Variants in COL20A1 observed in about 807,000 individuals in gnomAD.
The protein encoded by COL20A1 is collagen type XX alpha 1 chain, also known as collagen alpha-1(XX) chain.
Under a neutral mutation model 152.9 loss-of-function variants are expected in COL20A1, and 164 were observed. The ratio of observed to expected loss-of-function variants is 1.07; its 90% CI spans 0.94 to 1.22. COL20A1 has a LOEUF of 1.22. COL20A1 is among the 50% of genes most tolerant of loss of function. The probability of loss-of-function intolerance (pLI) is 0.00; values close to 1 mark genes in which losing one functional copy is unlikely to be tolerated. For missense variants in COL20A1, 1,873 were observed against 1,744.8 expected, an observed-to-expected ratio of 1.07 and a Z score of -1.31; for synonymous variants, 864 against 756.0, an observed-to-expected ratio of 1.14 and a Z score of -2.34.
At position 63,329,340 on chromosome 20, in the gene COL20A1, C is replaced by T. The variant is rs1314174189; in HGVS notation, c.3782-245C>T. The T allele has an allele frequency of 7.1e-6, 4 of 565,010 alleles. No homozygotes were observed. In the Admixed American group the frequency reaches 1.3e-4, roughly 18 times the overall value. 35.0% of individuals were successfully genotyped at this position (565,010 alleles called of 1,614,324 possible). A position where few individuals can be genotyped will look rare whatever the true frequency, so the allele number is the denominator to read the frequency against. Reference sequence around the variant, plus strand: ...TAGATGAGGGTGACAGGCACTATCACAGGGCCCCCACCTGACGCCTTCCCA... The same window carrying T: ...TAGATGAGGGTGACAGGCACTATCATAGGGCCCCCACCTGACGCCTTCCCA... On this transcript the variant is annotated intron_variant, in intron 34 of 35. Transcript: ENST00000358894.
rs961392065 is a variant in COL20A1 at position 63,313,945 on chromosome 20, G to T, written c.2358+54G>T. On this transcript the variant is annotated intron_variant, in intron 18 of 35. Transcript: ENST00000358894. The surrounding 1 kb of genome is among the most constrained non-coding windows in gnomAD (Gnocchi z 5.9). ...CCACCTCGTGGGGCCTCCTGGAAGG[G>T]GTATGGCCACACTGTCTGCGAAGGG... 1.2e-5 allele frequency: 19 copies of T among 1,588,302 alleles called. No individual in the cohort carries two copies. Among genetic ancestry groups the T allele is most frequent in the Admixed American group, 3.4e-5 (2 of 58,320 alleles).
Position 63,305,324 on chromosome 20 carries a change from G to A in COL20A1, c.194-93G>A. On this transcript the variant is annotated intron_variant, in intron 3 of 35. Transcript: ENST00000358894. This position sits in a 1 kb window ranked among gnomAD's most constrained non-coding sequence, Gnocchi z 4.9. ...GGCTTCAAGGGGAGCAGCTGGGGTG[G>A]GGAGGAGGAGCCAAGAGGGTTTCAC... The A allele has an allele frequency of 3.8e-6, 4 of 1,064,804 alleles. No homozygotes were observed. The highest frequency in any genetic ancestry group is 4.6e-5 in the South Asian group (2 of 43,282). 66.0% of individuals were successfully genotyped at this position (1,064,804 alleles called of 1,614,324 possible). A position where few individuals can be genotyped will look rare whatever the true frequency, so the allele number is the denominator to read the frequency against.
At chr20:63,294,997 G>A in intron 1 of COL20A1, 101 bp from the exon 2 acceptor site, 1 of 724,324 alleles carries the variant, frequency 1.4e-6, no homozygotes, top group Non-Finnish European at 2.3e-6. Flanking sequence ...TGTGGGGACA[G>A]GCTGCCTGGC....
chr20:63,328,628 TCTGGGGTG>T, intron 34 of COL20A1, 130 bp downstream of exon 34: 1 of 914,886 alleles, frequency 1.1e-6, no homozygotes, highest in South Asian at 1.8e-5. Flanking sequence ...CTGTCCAGCC[TCTGGGGTG>T]CTGGGGTGAG....
In COL20A1 at chr20:63,307,750, C is replaced by T; in HGVS notation, c.655+102C>T. On this transcript the variant is annotated intron_variant, in intron 6 of 35. Transcript: ENST00000358894. ...GTGGGGGTCCCCGTACCAGCCAGGG[C>T]TCTCACCTTGTGGGGTGGGACGCCT... 9 of 1,368,986 alleles carry T rather than the reference C, an allele frequency of 6.6e-6. No homozygotes were observed. The South Asian group carries it at 9.5e-5, about 14-fold the overall frequency. 84.8% of individuals were successfully genotyped at this position (1,368,986 alleles called of 1,614,324 possible).
intron 3 of COL20A1, among the ~76,000 whole-genome samples, chr20:63,301,592 T>TA (rs1279390378): frequency 6.6e-6 from 1 of 152,248 alleles, no homozygotes; most frequent in Non-Finnish European, 1.5e-5. Flanking sequence ...GAGGCTCTGT[T>TA]ATTGGGTACA....
intron 6 of COL20A1, 27 bp downstream of exon 6, chr20:63,307,675 G>T (rs754437127): frequency 1.9e-6 from 3 of 1,601,282 alleles, no homozygotes; most frequent in South Asian, 2.2e-5. Flanking sequence ...CCCGCCTCCT[G>T]CCCCACCCGG....
rs1218788632 is a variant in COL20A1 at position 63,315,387 on chromosome 20, C to T, written c.2489-17C>T. 1 of 1,570,918 alleles carries T rather than the reference C, an allele frequency of 6.4e-7. No individual in the cohort carries two copies. ...TGGGCCGCTCCCACTCACACTGACC[C>T]TGTCTCCTCTCAGCAGCCTGCCCAG... On this transcript the variant is annotated splice_polypyrimidine_tract_variant and intron_variant, in intron 19 of 35. Coordinates refer to ENST00000358894, the MANE Select transcript of COL20A1 (RefSeq NM_020882.4).
At chr20:63,300,160 T>A (rs2067848021) in intron 3 of COL20A1, among the ~76,000 whole-genome samples, 2 of 152,206 alleles carry the variant, frequency 1.3e-5, no homozygotes, top group Non-Finnish European at 2.9e-5. Flanking sequence ...GAGGGAATAT[T>A]GGCCAATAAC....
intron 3 of COL20A1, among the ~76,000 whole-genome samples, chr20:63,304,577 C>T (rs1465157060): frequency 6.9e-6 from 1 of 144,310 alleles, no homozygotes; most frequent in South Asian, 2.3e-4. Context: ...CCCTTCCTCC[C>T]TCCAGGTGTG....
At position 63,334,083 on chromosome 20, in the gene COL20A1, G is replaced by A. The variant is rs1601452144; in HGVS notation, c.*3367G>A. 6.6e-6 allele frequency: 1 copy of A among 152,196 alleles called. No individual in the cohort carries two copies. Among genetic ancestry groups the A allele is most frequent in the Admixed American group, 6.5e-5 (1 of 15,278 alleles). The allele number at this position is 152,196 out of a possible 1,614,324, so 9.4% of individuals were successfully genotyped here. On this transcript the variant is annotated 3_prime_UTR_variant, in exon 36 of 36. Transcript: ENST00000358894. ...AGTACAGAACTCCTTGCCCAGTGGA[G>A]AAACACTCTCCTCTCATGTGTGGAA... is the stretch of plus-strand genomic sequence containing the variant.
At chr20:63,309,256 C>CTGGG (rs2067970587) in intron 8 of COL20A1, 77 bp from the exon 9 acceptor site, 17 of 1,203,940 alleles carry the variant, frequency 1.4e-5, no homozygotes, top group Non-Finnish European at 1.9e-5. Flanking sequence ...ACCCAGTCTC[C>CTGGG]ATGGAGACCC....
Position 63,305,987 on chromosome 20 carries a change from G to A in COL20A1, c.444G>A (p.Gln148=), listed in dbSNP as rs762513194. Residue 148 remains glutamine (Q), a synonymous_variant, in exon 5 of 36, where the codon CAG becomes CAA. Transcript: ENST00000358894. The surrounding 1 kb of genome is among the most constrained non-coding windows in gnomAD (Gnocchi z 4.9). ...PSHTGSPDPE[Q]ASEPQVAFTP... is the part of the protein sequence containing the mutation. ...ACACGGGGAGCCCAGACCCTGAGCA[G>A]GCTTCTGAGCCCCAAGTTGCCTTCA... The A allele has an allele frequency of 6.2e-7, 1 of 1,612,832 alleles. No individual in the cohort carries two copies. Among genetic ancestry groups the A allele is most frequent in the South Asian group, 1.1e-5 (1 of 91,032 alleles).
intron 34 of COL20A1, chr20:63,329,080 C>G: frequency 5.8e-6 from 1 of 172,952 alleles, no homozygotes; most frequent in South Asian, 1.4e-4. Flanking sequence ...GGACTGAGTT[C>G]TGCACTGGCC....
At chr20:63,323,096 G>A (rs1309571513) in intron 27 of COL20A1, among the ~76,000 whole-genome samples, 1 of 152,278 alleles carries the variant, frequency 6.6e-6, no homozygotes, top group Non-Finnish European at 1.5e-5. Flanking sequence ...GGCTGCTTTG[G>A]GAGCCGCGTC....
Position 63,313,806 on chromosome 20 carries a change from A to G in COL20A1, c.2273A>G (p.Gln758Arg). 6.2e-7 allele frequency: 1 copy of G among 1,610,924 alleles called. No homozygotes were observed. Among genetic ancestry groups the G allele is most frequent in the African/African-American group, 1.3e-5 (1 of 74,978 alleles). ...ALASETPDSL[Q>R]VSWTPPLGRV... Reference sequence around the variant, plus strand: ...GCCTCGGAGACCCCCGACAGCCTGCAGGTCAGCTGGACGCCCCCGCTTGGC... The same window carrying G: ...GCCTCGGAGACCCCCGACAGCCTGCGGGTCAGCTGGACGCCCCCGCTTGGC... Residue 758 changes from glutamine (Q) to arginine (R), a missense_variant, in exon 18 of 36, where the codon CAG becomes CGG. Gln to Arg is a conservative substitution (Grantham distance 43). Transcript: ENST00000358894. The surrounding 1 kb of genome is among the most constrained non-coding windows in gnomAD (Gnocchi z 5.9).
intron 27 of COL20A1, among the ~76,000 whole-genome samples, chr20:63,322,684 G>T (rs1246840030): frequency 6.6e-6 from 1 of 152,226 alleles, no homozygotes; most frequent in Non-Finnish European, 1.5e-5. Context: ...CGCCCTCCAG[G>T]CTCGATTCTA....
At chr20:63,294,438 C>T (rs1423064182) in intron 1 of COL20A1, among the ~76,000 whole-genome samples, 2 of 151,802 alleles carry the variant, frequency 1.3e-5, no homozygotes, top group African/African-American at 2.4e-5. Context: ...TTGAGTGGGC[C>T]GGGCCTGGTT....
chr20:63,309,739 A>G lies in COL20A1; in HGVS notation c.1106-19A>G, dbSNP rs1197311846. 1 of 1,533,916 alleles carries G rather than the reference A, an allele frequency of 6.5e-7. No homozygotes were observed. The highest frequency in any genetic ancestry group is 8.8e-7 in the Non-Finnish European group (1 of 1,142,412). Reference sequence around the variant, plus strand: ...CCCGTGCAGTGACCACCTGCCCCCCACTCCCGCTACTCCAGCAGCAGCGGC... The same window carrying G: ...CCCGTGCAGTGACCACCTGCCCCCCGCTCCCGCTACTCCAGCAGCAGCGGC... On this transcript the variant is annotated intron_variant, in intron 9 of 35. Coordinates refer to ENST00000358894, the MANE Select transcript of COL20A1 (RefSeq NM_020882.4).
Sources: allele counts gnomAD v4.1 joint callset (sites outside exome capture counted in the v4.1 genomes callset), GRCh38; gene constraint gnomAD v4.1.1; non-coding constraint Gnocchi (gnomAD v3.1); transcripts MANE v1.5; gene names NCBI Gene and HGNC (gene_info 2026-07-23, HGNC 2026-07-21).